NAV2: variants seen among roughly 807,000 people sequenced by gnomAD.
NAV2 encodes neuron navigator 2, also known as helicase, APC down-regulated 1.
Under a neutral mutation model 223.2 loss-of-function variants are expected in NAV2, and 54 were observed. The observed-to-expected ratio is 0.24, with a 90% CI of 0.19 to 0.30. The LOEUF (loss-of-function observed/expected upper bound fraction) is 0.30, where lower values mean the gene tolerates loss of function less well. Among genes scored for constraint, NAV2 ranks in the 10% least tolerant of loss-of-function variants. The probability of loss-of-function intolerance (pLI) is 1.00; values close to 1 mark genes in which losing one functional copy is unlikely to be tolerated. For synonymous variants in NAV2, 1,279 were observed against 1,239.3 expected (o/e 1.03, Z -0.67); for missense variants, 2,806 against 3,147.5 (o/e 0.89, Z 2.60).
chr11:19,661,302 A>C (rs570308060), intron 1 of NAV2, among the ~76,000 whole-genome samples: 1 of 152,308 alleles, frequency 6.6e-6, no homozygotes, highest in African/African-American at 2.4e-5. Context: ...AGGCTGAAAA[A>C]TATCATACTG....
intron 1 of NAV2, among the ~76,000 whole-genome samples, chr11:19,353,763 A>G (rs1445924009): frequency 6.6e-6 from 1 of 152,198 alleles, no homozygotes; most frequent in Non-Finnish European, 1.5e-5. Context: ...AGTCATACAT[A>G]CACATCACAA....
At chr11:19,906,811 A>G (rs1465713549) in intron 6 of NAV2, among the ~76,000 whole-genome samples, 2 of 152,192 alleles carry the variant, frequency 1.3e-5, no homozygotes, top group African/African-American at 4.8e-5. Flanking sequence ...GAACTCCGCA[A>G]AACAGGTCTT....
intron 1 of NAV2, among the ~76,000 whole-genome samples, chr11:19,559,796 T>C (rs1341768704): frequency 6.6e-6 from 1 of 152,198 alleles, no homozygotes; most frequent in African/African-American, 2.4e-5. Flanking sequence ...CTTCGGAAGC[T>C]TCTGGCACTC....
chr11:19,916,475 A>G (rs761036640), intron 6 of NAV2, among the ~76,000 whole-genome samples: 25 of 152,274 alleles, frequency 1.6e-4, no homozygotes, highest in Non-Finnish European at 2.6e-4. Flanking sequence ...TAACTAGAAC[A>G]TCTCTTTTCA....
At chr11:19,622,311 T>G (rs1346120079) in intron 1 of NAV2, among the ~76,000 whole-genome samples, 2 of 152,180 alleles carry the variant, frequency 1.3e-5, no homozygotes, top group East Asian at 1.9e-4. Context: ...TGGATATCCT[T>G]TTTAACTTTC....
chr11:19,691,915 T>A (rs7119287), intron 1 of NAV2, among the ~76,000 whole-genome samples: 1 of 152,330 alleles, frequency 6.6e-6, no homozygotes, highest in African/African-American at 2.4e-5. Context: ...AAGGCCTGTG[T>A]GTTCTGCCTT....
At chr11:19,737,469 G>C (rs890979705) in intron 1 of NAV2, among the ~76,000 whole-genome samples, 1 of 152,172 alleles carries the variant, frequency 6.6e-6, no homozygotes, top group Admixed American at 6.5e-5. Context: ...GAGGAGATGG[G>C]GAAAGGGCCC....
intron 1 of NAV2, among the ~76,000 whole-genome samples, chr11:19,625,821 A>C (rs894132727): frequency 6.6e-6 from 1 of 151,470 alleles, no homozygotes; most frequent in African/African-American, 2.4e-5. Context: ...ATTTTTTTTC[A>C]TATATTTCTT....
At chr11:20,083,369 C>T (rs1337593838) in intron 26 of NAV2, among the ~76,000 whole-genome samples, 190 bp downstream of exon 26, 2 of 152,192 alleles carry the variant, frequency 1.3e-5, no homozygotes, top group African/African-American at 4.8e-5. Context: ...CTTAGGTTTT[C>T]GTTCTGATGG....
At chr11:20,083,828 A>C (rs2060244711) in intron 26 of NAV2, among the ~76,000 whole-genome samples, 1 of 152,242 alleles carries the variant, frequency 6.6e-6, no homozygotes, top group South Asian at 2.1e-4. Context: ...GTTAAATACT[A>C]TGCATGAAGG....
At chr11:19,629,166 A>T (rs1590726418) in intron 1 of NAV2, among the ~76,000 whole-genome samples, 1 of 151,640 alleles carries the variant, frequency 6.6e-6, no homozygotes, top group East Asian at 1.9e-4. Context: ...TCCTCGTCAC[A>T]TCTCTCTCTC....
At chr11:19,659,278 A>C (rs1295641074) in intron 1 of NAV2, among the ~76,000 whole-genome samples, 1 of 152,160 alleles carries the variant, frequency 6.6e-6, no homozygotes, top group Non-Finnish European at 1.5e-5. Context: ...GTGAAGACTG[A>C]GTGCTGGCAA....
intron 11 of NAV2, among the ~76,000 whole-genome samples, chr11:19,995,154 A>G (rs922293794): frequency 2.6e-5 from 4 of 152,096 alleles, no homozygotes; most frequent in Admixed American, 2.0e-4. Context: ...CTGCACCTCT[A>G]TTTGTTCATT....
Position 20,054,186 on chromosome 11 carries a change from T to A in NAV2, c.4588T>A (p.Ser1530Thr), listed in dbSNP as rs1369270585. The A allele has an allele frequency of 6.2e-7, 1 of 1,613,488 alleles. No individual in the cohort carries two copies. The highest frequency in any genetic ancestry group is 1.1e-5 in the South Asian group (1 of 90,878). Residue 1530 changes from serine to threonine, a missense_variant, in exon 18 of 38, where the codon TCT (serine) becomes ACT (threonine). Physicochemically the swap from Ser to Thr is moderately conservative, Grantham distance 58. Around this residue, in one of 4 missense-constraint regions of NAV2, gnomAD observed 742 missense variants for 777.9 expected, o/e 0.95. Coordinates refer to ENST00000349880, the MANE Select transcript of NAV2 (RefSeq NM_145117.5). Reference sequence around the variant, plus strand: ...CACCGCTGCCAATTCCCCCTTTTCCTCTGGCTCCAGCGTGACTTCTCCCTC... The same window carrying A: ...CACCGCTGCCAATTCCCCCTTTTCCACTGGCTCCAGCGTGACTTCTCCCTC... The part of the protein sequence containing the change: ...QDTAANSPFS[S>T]GSSVTSPSGT...
At chr11:19,495,289 C>T (rs999730574) in intron 1 of NAV2, among the ~76,000 whole-genome samples, 45 of 152,164 alleles carry the variant, frequency 3.0e-4, no homozygotes, top group African/African-American at 9.9e-4. Flanking sequence ...ATGGGACATC[C>T]AGAAATGAAG....
chr11:19,891,247 A>G (rs2041473441), intron 5 of NAV2, among the ~76,000 whole-genome samples: 1 of 152,218 alleles, frequency 6.6e-6, no homozygotes, highest in Non-Finnish European at 1.5e-5. Context: ...CACTAGATCT[A>G]ATGCTAGTCA....
At chr11:19,585,880 G>A (rs958095170) in intron 1 of NAV2, among the ~76,000 whole-genome samples, 1 of 152,188 alleles carries the variant, frequency 6.6e-6, no homozygotes, top group Non-Finnish European at 1.5e-5. Context: ...TTCTCGAGGA[G>A]TATGTTTGTG....
chr11:19,820,483 G>C (rs2059311885), intron 1 of NAV2, among the ~76,000 whole-genome samples: 1 of 152,214 alleles, frequency 6.6e-6, no homozygotes, highest in South Asian at 2.1e-4. Context: ...GCTGTAGAAA[G>C]GGACTCAATT....
At chr11:19,421,764 CTTTTTTTTTTTT>C (rs373669949) in intron 1 of NAV2, among the ~76,000 whole-genome samples, 1 of 84,542 alleles carries the variant, frequency 1.2e-5, no homozygotes, top group South Asian at 5.3e-4. Context: ...AAGAGAGAGG[CTTTTTTTTTTTT>C]TTTTTTTTTT....
Sources: gnomAD v4.1 joint callset for allele counts (sites outside exome capture counted in the v4.1 genomes callset) on GRCh38, gnomAD v4.1.1 for gene constraint, gnomAD v4.1.1 regional missense constraint, MANE v1.5 for transcripts, NCBI Gene and HGNC (gene_info 2026-07-23, HGNC 2026-07-21) for gene names.